The following FAM149A variants were observed in gnomAD, a reference collection of about 807,000 sequenced individuals.
The protein encoded by FAM149A is protein FAM149A.
FAM149A carries 71 observed loss-of-function variants against 78.2 expected under a neutral mutation model. The ratio of observed to expected loss-of-function variants is 0.91; its 90% CI spans 0.75 to 1.11. The LOEUF (loss-of-function observed/expected upper bound fraction) is 1.11. FAM149A is among the 50% of genes least tolerant of loss of function. The pLI is 0.00. For synonymous variants in FAM149A, 446 were observed against 410.5 expected (o/e 1.09, Z -1.04); for missense variants, 1,036 against 971.0 (o/e 1.07, Z -0.89).
rs548894495 is a variant in FAM149A at position 186,104,773 on chromosome 4, G to GGCGGCGGGCGGCGGGCGGCGGGCGGC, written c.-303_-302insCGGCGGGCGGCGGGCGGCGGGCGGCG. 2.0e-5 allele frequency among the ~76,000 whole-genome samples: 3 copies of GGCGGCGGGCGGCGGGCGGCGGGCGGC among 149,604 alleles called. No individual in the cohort carries two copies. Among genetic ancestry groups the GGCGGCGGGCGGCGGGCGGCGGGCGGC allele is most frequent in the African/African-American group, 7.5e-5 (3 of 40,158 alleles). On this transcript the variant is annotated 5_prime_UTR_variant, in exon 1 of 14. Transcript: ENST00000389354. ...GGCGGGCGGCGGGCGGCGGGCGTCT[G>GGCGGCGGGCGGCGGGCGGCGGGCGGC]GGGCGGGCGGCGGCCGCGCTTCCCG...
chr4:186,150,478 G>A (rs1302153826), intron 3 of FAM149A, among the ~76,000 whole-genome samples: 14 of 129,042 alleles, frequency 1.1e-4, no homozygotes, highest in Admixed American at 8.7e-4. Flanking sequence ...GGAGTGCAGG[G>A]GCGCGATCTC....
chr4:186,135,037 G>A (rs2099322150), intron 1 of FAM149A, among the ~76,000 whole-genome samples: 1 of 152,182 alleles, frequency 6.6e-6, no homozygotes, highest in East Asian at 1.9e-4. Context: ...AGCAGCACGT[G>A]GGATCCTGAG....
Position 186,149,319 on chromosome 4 carries a change from A to C in FAM149A, c.677+36A>C, listed in dbSNP as rs747371456. On this transcript the variant is annotated intron_variant, in intron 2 of 13. Coordinates refer to ENST00000389354, the MANE Select transcript of FAM149A (RefSeq NM_001367768.3). The stretch of plus-strand genomic sequence containing the variant: ...ACCTTGCTTCAGATTACAAAATCAC[A>C]AAATGCCCGTAACAAATGTGGGAAG... The C allele has an allele frequency of 8.6e-6, 11 of 1,271,920 alleles. No individual in the cohort carries two copies. The South Asian group carries it at 1.4e-4, about 17-fold the overall frequency. The allele number at this position is 1,271,920 out of a possible 1,614,324, so 78.8% of individuals were successfully genotyped here.
At chr4:186,136,992 C>CTCTCTCTCTTTCTCTCTCTCTCTT (rs2099323476) in intron 1 of FAM149A, among the ~76,000 whole-genome samples, 1 of 126,694 alleles carries the variant, frequency 7.9e-6, no homozygotes, top group Non-Finnish European at 1.7e-5. Context: ...CTCTCTCTCT[C>CTCTCTCTCTTTCTCTCTCTCTCTT]TCTCTCTCTC....
intron 8 of FAM149A, chr4:186,158,459 C>T (rs2126503303): frequency 8.8e-7 from 1 of 1,133,788 alleles, no homozygotes; most frequent in South Asian, 2.1e-5. Context: ...CAGGAACACC[C>T]ATGGGAGTCC....
At chr4:186,106,131 T>C (rs1442273083) in intron 1 of FAM149A, among the ~76,000 whole-genome samples, 4 of 152,194 alleles carry the variant, frequency 2.6e-5, no homozygotes, top group Non-Finnish European at 5.9e-5. Context: ...GTGTGACATC[T>C]AGTTAATTTA....
intron 8 of FAM149A, chr4:186,158,848 G>C (rs1334903773): frequency 7.1e-6 from 7 of 986,096 alleles, no homozygotes; most frequent in African/African-American, 1.7e-5. Context: ...GCGGTCTCAA[G>C]CTGTTCTTCC....
In FAM149A at chr4:186,105,064, C is replaced by A; in HGVS notation, c.-13C>A. 1 of 1,268,454 alleles carries A rather than the reference C, an allele frequency of 7.9e-7. No homozygotes were observed. The highest frequency in any genetic ancestry group is 1.0e-6 in the Non-Finnish European group (1 of 979,688). 78.6% of individuals were successfully genotyped at this position (1,268,454 alleles called of 1,614,324 possible). A position where few individuals can be genotyped will look rare whatever the true frequency, so the allele number is the denominator to read the frequency against. ...TCGGGCGGCGGCGAGGACGGCGTGT[C>A]CACTGTCGAGGCATGAAGGCTGCTG... is the stretch of plus-strand genomic sequence containing the variant. On this transcript the variant is annotated 5_prime_UTR_variant, in exon 1 of 14. Coordinates refer to ENST00000389354, the MANE Select transcript of FAM149A (RefSeq NM_001367768.3).
rs775059857 is a variant in FAM149A at position 186,163,622 on chromosome 4, G to A, written c.1878G>A (p.Arg626=). 1 of 1,613,494 alleles carries A rather than the reference G, an allele frequency of 6.2e-7. No individual in the cohort carries two copies. Among genetic ancestry groups the A allele is most frequent in the Admixed American group, 1.7e-5 (1 of 59,960 alleles). ...ACATCTATAGTGACGAAGTTCTTCGGGGAACAAAACTGTGAGTCTCATTTC... is the reference window on the plus strand; with the variant it reads ...ACATCTATAGTGACGAAGTTCTTCGAGGAACAAAACTGTGAGTCTCATTTC... Residue 626 remains arginine (R), a synonymous_variant, in exon 10 of 14, where the codon CGG becomes CGA. Coordinates refer to ENST00000389354, the MANE Select transcript of FAM149A (RefSeq NM_001367768.3).
chr4:186,135,701 C>T lies in FAM149A; in HGVS notation c.567-13472C>T, dbSNP rs148603314. 2.5e-3 allele frequency among the ~76,000 whole-genome samples: 387 copies of T among 152,284 alleles called. 3 individuals carry two copies. Among genetic ancestry groups the T allele is most frequent in the African/African-American group, 9.0e-3 (372 of 41,552 alleles). ...CTCAAGGCACACCACAGCCTTCTGGCGCTTAGGAACACTCGGCAGCTTTAG... is the reference window on the plus strand; with the variant it reads ...CTCAAGGCACACCACAGCCTTCTGGTGCTTAGGAACACTCGGCAGCTTTAG... On this transcript the variant is annotated intron_variant, in intron 1 of 13. Coordinates refer to ENST00000389354, the MANE Select transcript of FAM149A (RefSeq NM_001367768.3).
rs145744851 is a variant in FAM149A at position 186,148,980 on chromosome 4, C to T, written c.567-193C>T. 4.8e-5 allele frequency among the ~76,000 whole-genome samples: 7 copies of T among 147,150 alleles called. No individual in the cohort carries two copies. In the East Asian group the frequency reaches 1.4e-3, roughly 29 times the overall value. On this transcript the variant is annotated intron_variant, in intron 1 of 13. Transcript: ENST00000389354. ...AAAGAAAAATGATGACATCCTAAGTCTCAGTTTCATCAGGATGGGGTGTGT... is the reference window on the plus strand; with the variant it reads ...AAAGAAAAATGATGACATCCTAAGTTTCAGTTTCATCAGGATGGGGTGTGT...
chr4:186,126,128 TA>T, intron 1 of FAM149A: 1 of 982,572 alleles, frequency 1.0e-6, no homozygotes. Flanking sequence ...ATCCTTTCAT[TA>T]GTATCATATC....
chr4:186,169,269 A>T, intron 13 of FAM149A: 1 of 985,356 alleles, frequency 1.0e-6, no homozygotes, highest in Non-Finnish European at 1.2e-6. Flanking sequence ...ATCGAAACAG[A>T]CAACTTACAA....
In FAM149A at chr4:186,154,592, G is replaced by A; in HGVS notation, c.1183G>A (p.Val395Met). The A allele has an allele frequency of 6.2e-7, 1 of 1,614,204 alleles. No homozygotes were observed. Among genetic ancestry groups the A allele is most frequent in the Non-Finnish European group, 8.5e-7 (1 of 1,180,046 alleles). The stretch of plus-strand genomic sequence containing the variant: ...ATCCCTGGAAGAAGAGGTTTACCAT[G>A]TGGATGGAAAGATTGAGGAGTATTT... Residue 395 changes from valine to methionine, a missense_variant, in exon 6 of 14, where the codon GTG becomes ATG. Around this residue, in one of 3 missense-constraint regions of FAM149A, gnomAD observed 716 missense variants for 711.8 expected, o/e 1.01. Transcript: ENST00000389354.
chr4:186,110,891 G>A (rs1328376887), intron 1 of FAM149A, among the ~76,000 whole-genome samples: 5 of 147,218 alleles, frequency 3.4e-5, no homozygotes, highest in Admixed American at 2.7e-4. Context: ...ATGATTTATA[G>A]TCCTTTGGGT....
intron 3 of FAM149A, among the ~76,000 whole-genome samples, chr4:186,151,540 G>A (rs1489058838): frequency 6.6e-6 from 1 of 152,220 alleles, no homozygotes; most frequent in East Asian, 1.9e-4. Context: ...AGCTCTGTGA[G>A]GAGCTGCCTG....
At position 186,164,146 on chromosome 4, in the gene FAM149A, C is replaced by G. The variant is rs1309837384; in HGVS notation, c.1889+513C>G. Among the ~76,000 whole-genome samples, 1 of 152,198 alleles carries G rather than the reference C, an allele frequency of 6.6e-6. No homozygotes were observed. Among genetic ancestry groups the G allele is most frequent in the Non-Finnish European group, 1.5e-5 (1 of 68,046 alleles). On this transcript the variant is annotated intron_variant, in intron 10 of 13. Transcript: ENST00000389354. This position sits in a 1 kb window ranked among gnomAD's most constrained non-coding sequence, Gnocchi z 4.0. ...TGTCTCTTGCCCTCCAGCTAACTTA[C>G]CAGTATCGGCCAATACTTACATTGA...
chr4:186,110,831 T>A (rs1196605879), intron 1 of FAM149A, among the ~76,000 whole-genome samples: 1 of 150,618 alleles, frequency 6.6e-6, no homozygotes, highest in East Asian at 1.9e-4. Context: ...TCTTTGCTAT[T>A]GTGAATAATG....
chr4:186,156,263 A>T, intron 7 of FAM149A, 73 bp downstream of exon 7: 1 of 1,301,864 alleles, frequency 7.7e-7, no homozygotes, highest in Admixed American at 2.0e-5. Flanking sequence ...CCTGCTCCCC[A>T]GCTTGGCCAG....
Sources: allele counts gnomAD v4.1 joint callset (sites outside exome capture counted in the v4.1 genomes callset), GRCh38; gene constraint gnomAD v4.1.1; regional missense constraint gnomAD v4.1.1; non-coding constraint Gnocchi (gnomAD v3.1); transcripts MANE v1.5; gene names NCBI Gene and HGNC (gene_info 2026-07-23, HGNC 2026-07-21).